ZNF112: variants seen among roughly 807,000 people sequenced by gnomAD.
ZNF112 encodes the protein zinc finger protein 112 (Y14).
A neutral mutation model predicts 77.7 loss-of-function variants in ZNF112; 37 were observed. That is an observed-to-expected ratio of 0.48 (90% confidence interval 0.37 to 0.63). The LOEUF is 0.63. Ranked by LOEUF, ZNF112 falls within the 20% of genes least tolerant of loss-of-function variation. The pLI, the probability that ZNF112 is intolerant of heterozygous loss-of-function variation, is 0.00. For synonymous variants in ZNF112, 333 were observed against 363.6 expected (o/e 0.92, Z 0.96); for missense variants, 950 against 1,077.4 (o/e 0.88, Z 1.66).
In ZNF112 at chr19:44,328,421, T is replaced by A; in HGVS notation, c.1736A>T (p.Glu579Val). ...HTGEKPYKCEECGKGFSRNSY... is the reference protein window; with the variant it reads ...HTGEKPYKCEVCGKGFSRNSY... ...ATTTCGACTGAACCCCTTCCCACAT[T>A]CCTCACATTTATAAGGTTTTTCTCC... The change falls in exon 4 of 4, where the codon GAA becomes GTA. Residue 579 changes from glutamate (E) to valine (V), a missense_variant. Physicochemically the swap from Glu to Val is moderately radical, Grantham distance 121. This residue lies in a region of ZNF112 where 373 missense variants were observed against 482.8 expected (regional missense o/e 0.77). Transcript: ENST00000354340. The A allele has an allele frequency of 6.2e-7, 1 of 1,614,032 alleles. No individual in the cohort carries two copies. Among genetic ancestry groups the A allele is most frequent in the Non-Finnish European group, 8.5e-7 (1 of 1,179,980 alleles).
At position 44,328,801 on chromosome 19, in the gene ZNF112, A is replaced by G. The variant is rs374389056; in HGVS notation, c.1356T>C (p.Phe452=). Residue 452 remains phenylalanine, a synonymous_variant, in exon 4 of 4, where the codon TTT becomes TTC. Coordinates refer to ENST00000354340, the MANE Select transcript of ZNF112 (RefSeq NM_013380.4). ...TAGTGTGGACTATCTGAAGGTCCTG[A>G]AAATGTGAGGCCAGACTGAAGCCAT... ...CGNGFSLASH[F]QDLQIVHTKE... The G allele has an allele frequency of 6.2e-7, 1 of 1,614,118 alleles. No individual in the cohort carries two copies. The highest frequency in any genetic ancestry group is 1.3e-5 in the African/African-American group (1 of 75,050).
In ZNF112 at chr19:44,329,885, T is replaced by C. The variant is rs1334518624; in HGVS notation, c.272A>G (p.Tyr91Cys). ...MESIQEVTVSYFSPKELSSRQ... is the reference protein window; with the variant it reads ...MESIQEVTVSCFSPKELSSRQ... ...GGAGGAAAGCTCTTTGGGGGAAAAG[T>C]AGCTTACTGTTACTTCCTGAATACT... Residue 91 changes from tyrosine (Y) to cysteine (C), a missense_variant, in exon 4 of 4, where the codon TAC becomes TGC. Physicochemically the swap from Tyr to Cys is radical, Grantham distance 194. This residue lies in a region of ZNF112 where 560 missense variants were observed against 557.3 expected (regional missense o/e 1.00). Transcript: ENST00000354340. The C allele has an allele frequency of 1.9e-6, 3 of 1,613,876 alleles. No individual in the cohort carries two copies. The highest frequency in any genetic ancestry group is 3.3e-5 in the Admixed American group (2 of 59,968).
At chr19:44,344,310 G>A (rs1970546317) in intron 1 of ZNF112, among the ~76,000 whole-genome samples, 1 of 91,436 alleles carries the variant, frequency 1.1e-5, no homozygotes, top group Non-Finnish European at 2.5e-5. Flanking sequence ...TCTTCCTCAA[G>A]GTTTGTTACT....
At chr19:44,346,187 G>C (rs941735812) in intron 1 of ZNF112, among the ~76,000 whole-genome samples, 2 of 152,186 alleles carry the variant, frequency 1.3e-5, no homozygotes, top group Admixed American at 6.5e-5. Context: ...AAGAGCCCAG[G>C]CTACAGAATC....
At chr19:44,349,784 A>T (rs1360806285) in intron 1 of ZNF112, among the ~76,000 whole-genome samples, 2 of 152,104 alleles carry the variant, frequency 1.3e-5, no homozygotes, top group East Asian at 3.8e-4. Context: ...TCCAGATAAA[A>T]TAAATTTGTT....
rs555758131 is a variant in ZNF112 at position 44,328,683 on chromosome 19, G to C, written c.1474C>G (p.Pro492Ala). ...AAGCCATTCCCATGCTCCTTACGTG[G>C]TTTCTCTCCAATGTGAATTTTTGGA... is the stretch of plus-strand genomic sequence containing the variant. ...GHPKIHIGEK[P>A]RKEHGNGFNW... Residue 492 changes from proline (P) to alanine (A), a missense_variant, in exon 4 of 4, where the codon CCA (proline) becomes GCA (alanine). By Grantham distance (27) the Pro-to-Ala change is conservative. Around this residue, in one of 3 missense-constraint regions of ZNF112, gnomAD observed 560 missense variants for 557.3 expected, o/e 1.00. Transcript: ENST00000354340. 16 of 1,614,072 alleles carry C rather than the reference G, an allele frequency of 9.9e-6. No homozygotes were observed. The African/African-American group carries it at 1.7e-4, about 17-fold the overall frequency.
chr19:44,340,327 AT>A, intron 2 of ZNF112, 88 bp downstream of exon 2: 2 of 1,533,946 alleles, frequency 1.3e-6, no homozygotes, highest in Non-Finnish European at 1.7e-6. Flanking sequence ...TCAGAGAATA[AT>A]TTCAGGGGCT....
intron 1 of ZNF112, among the ~76,000 whole-genome samples, chr19:44,342,027 C>T (rs1007712354): frequency 8.5e-5 from 13 of 152,140 alleles, no homozygotes; most frequent in African/African-American, 3.1e-4. Context: ...ACAGTGCAAA[C>T]GACTCTACAG....
chr19:44,355,296 T>C (rs1287188722), intron 1 of ZNF112, among the ~76,000 whole-genome samples: 2 of 152,194 alleles, frequency 1.3e-5, no homozygotes, highest in East Asian at 3.8e-4. Context: ...GAAATATTAA[T>C]ATTGTTACTG....
At chr19:44,366,284 A>G (rs748271977) in intron 1 of ZNF112, among the ~76,000 whole-genome samples, 2 of 152,210 alleles carry the variant, frequency 1.3e-5, no homozygotes, top group Non-Finnish European at 2.9e-5. Context: ...TGGTCTGTAC[A>G]GAATTCTTTT....
rs948904787 is a variant in ZNF112, at chr19:44,329,089, G to A, written c.1068C>T (p.Asn356=). Reference sequence around the variant, plus strand: ...TATGACTGAAGGCTTTCTCATAAATGTTGTGCCTATAGGACATCTCACCTG... The same window carrying A: ...TATGACTGAAGGCTTTCTCATAAATATTGTGCCTATAGGACATCTCACCTG... ...IHTGEMSYRH[N]IYEKAFSHSL... The change falls in exon 4 of 4, where the codon AAC becomes AAT. Residue 356 remains asparagine (N), a synonymous_variant. Coordinates refer to ENST00000354340, the MANE Select transcript of ZNF112 (RefSeq NM_013380.4). 6.2e-7 allele frequency: 1 copy of A among 1,613,864 alleles called. No homozygotes were observed.
intron 1 of ZNF112, among the ~76,000 whole-genome samples, chr19:44,353,292 A>G (rs1970725351): frequency 6.6e-6 from 1 of 152,134 alleles, no homozygotes; most frequent in Non-Finnish European, 1.5e-5. Flanking sequence ...TAAAACCATA[A>G]AACTTCTAGA....
At chr19:44,357,857 C>T (rs143014940), upstream of ZNF112, among the ~76,000 whole-genome samples, 3 of 152,028 alleles carry the variant, frequency 2.0e-5, no homozygotes, top group East Asian at 1.9e-4. Context: ...TCAGGGAGGA[C>T]GGTGAATGGG....
In ZNF112 at chr19:44,328,518, A is replaced by G; in HGVS notation, c.1639T>C (p.Tyr547His). Reference sequence around the variant, plus strand: ...CCCTTATCACATTCCTCGCATTTATAAGGTTTCTCTCCTGTGTGGACTCTC... The same window carrying G: ...CCCTTATCACATTCCTCGCATTTATGAGGTTTCTCTCCTGTGTGGACTCTC... ...HQRVHTGEKP[Y>H]KCEECDKGFS... The change falls in exon 4 of 4, where the codon TAT (tyrosine) becomes CAT (histidine). Residue 547 changes from tyrosine (Y) to histidine (H), a missense_variant. Around this residue, in one of 3 missense-constraint regions of ZNF112, gnomAD observed 373 missense variants for 482.8 expected, o/e 0.77. Transcript: ENST00000354340. The G allele has an allele frequency of 5.6e-6, 9 of 1,597,482 alleles. No homozygotes were observed. The highest frequency in any genetic ancestry group is 7.7e-6 in the Non-Finnish European group (9 of 1,168,738).
At chr19:44,343,337 C>A in intron 1 of ZNF112, 1 of 1,529,236 alleles carries the variant, frequency 6.5e-7, no homozygotes, top group Non-Finnish European at 9.0e-7. Context: ...CGAAAGAAGC[C>A]ATGATTAAAA....
At chr19:44,342,854 G>T (rs539287236) in intron 1 of ZNF112, among the ~76,000 whole-genome samples, 2 of 151,120 alleles carry the variant, frequency 1.3e-5, no homozygotes, top group Admixed American at 1.3e-4. Context: ...GGGGGAGAGG[G>T]ATAACAACAG....
At chr19:44,365,577 T>G (rs1970896646) in intron 1 of ZNF112, among the ~76,000 whole-genome samples, 1 of 152,106 alleles carries the variant, frequency 6.6e-6, no homozygotes, top group Non-Finnish European at 1.5e-5. Context: ...GAGTGAACTT[T>G]GGTAGTTTGT....
upstream of ZNF112, among the ~76,000 whole-genome samples, chr19:44,359,567 C>G (rs1466186389): frequency 1.3e-5 from 2 of 151,964 alleles, no homozygotes; most frequent in Non-Finnish European, 2.9e-5. Context: ...CGTGATCCAC[C>G]CGCCTCAGCC....
intron 1 of ZNF112, among the ~76,000 whole-genome samples, chr19:44,352,613 CA>C (rs1326860944): frequency 2.0e-5 from 3 of 151,770 alleles, no homozygotes; most frequent in Non-Finnish European, 2.9e-5. Context: ...AGGAATCTAC[CA>C]AAAAACAAAA....
Sources: gnomAD v4.1 joint callset for allele counts (sites outside exome capture counted in the v4.1 genomes callset) on GRCh38, gnomAD v4.1.1 for gene constraint, gnomAD v4.1.1 regional missense constraint, MANE v1.5 for transcripts, NCBI Gene and HGNC (gene_info 2026-07-23, HGNC 2026-07-21) for gene names.